PRKG2: variants seen among roughly 807,000 people sequenced by gnomAD.
PRKG2 encodes protein kinase cGMP-dependent 2, also known as cGMP-dependent protein kinase 2.
A neutral mutation model predicts 97.2 loss-of-function variants in PRKG2; 33 were observed. The ratio of observed to expected loss-of-function variants is 0.34; its 90% confidence interval spans 0.26 to 0.45. The LOEUF (loss-of-function observed/expected upper bound fraction) is 0.45. Ranked by LOEUF, PRKG2 falls within the 20% of genes least tolerant of loss-of-function variation. PRKG2 has a pLI of 1.00. For synonymous variants in PRKG2, 330 were observed against 321.8 expected, an observed-to-expected ratio of 1.03 and a Z score of -0.27; for missense variants, 638 against 900.0, an observed-to-expected ratio of 0.71 and a Z score of 3.73.
At chr4:81,123,504 A>T (rs1745262201) in intron 14 of PRKG2, among the ~76,000 whole-genome samples, 1 of 152,216 alleles carries the variant, frequency 6.6e-6, no homozygotes, top group South Asian at 2.1e-4. Context: ...TCCCAGGTTC[A>T]CGCCATTCTC....
At chr4:81,094,165 A>G (rs1260102302) in intron 17 of PRKG2, among the ~76,000 whole-genome samples, 1 of 152,358 alleles carries the variant, frequency 6.6e-6, no homozygotes, top group Admixed American at 6.5e-5. Flanking sequence ...CCCTACAAGT[A>G]TATCAGCCTT....
chr4:81,153,255 A>G lies in PRKG2; in HGVS notation c.990+389T>C, dbSNP rs554278744. The stretch of plus-strand genomic sequence containing the variant: ...ATGACTGTCTTCAATTGCTGAATTC[A>G]TTCTCCACCTGCTACTTGTCATATC... On this transcript the variant is annotated intron_variant, in intron 7 of 18. Coordinates refer to ENST00000264399, the MANE Select transcript of PRKG2 (RefSeq NM_006259.3). Among the ~76,000 whole-genome samples, 7 of 152,324 alleles carry G rather than the reference A, an allele frequency of 4.6e-5. No individual in the cohort carries two copies. The South Asian group carries it at 1.5e-3, about 32-fold the overall frequency.
At chr4:81,150,254 T>A (rs945762784) in intron 8 of PRKG2, among the ~76,000 whole-genome samples, 43 of 152,286 alleles carry the variant, frequency 2.8e-4, no homozygotes, top group African/African-American at 8.9e-4. Flanking sequence ...GTATCATGAT[T>A]TTGACTGAGA....
intron 3 of PRKG2, 102 bp downstream of exon 3, chr4:81,174,691 T>C: frequency 8.1e-7 from 1 of 1,227,122 alleles, no homozygotes; most frequent in Non-Finnish European, 1.1e-6. Flanking sequence ...TGTTATGTTT[T>C]CTACAAATAG....
At chr4:81,100,654 G>A (rs938126422) in intron 17 of PRKG2, among the ~76,000 whole-genome samples, 1 of 152,092 alleles carries the variant, frequency 6.6e-6, no homozygotes, top group Non-Finnish European at 1.5e-5. Flanking sequence ...ACATAGGCGT[G>A]GGCAAGGACT....
At chr4:81,122,241 T>C (rs1364844587) in intron 14 of PRKG2, among the ~76,000 whole-genome samples, 3 of 152,220 alleles carry the variant, frequency 2.0e-5, no homozygotes, top group Admixed American at 1.3e-4. Context: ...AATATTGTTA[T>C]TGATTCATTC....
Position 81,207,775 on chromosome 4 carries a change from C to T in PRKG2, c.-13-2715G>A, listed in dbSNP as rs551142703. On this transcript the variant is annotated intron_variant, in intron 1 of 18. Coordinates refer to ENST00000264399, the MANE Select transcript of PRKG2 (RefSeq NM_006259.3). The stretch of plus-strand genomic sequence containing the variant: ...TCTTTCAAGTCACTAATTTAAGATA[C>T]GTAAGTAAGTTACTAAATGGCTCAA... 7.2e-5 allele frequency among the ~76,000 whole-genome samples: 11 copies of T among 152,226 alleles called. No individual in the cohort carries two copies. The East Asian group carries it at 7.7e-4, about 11-fold the overall frequency.
chr4:81,144,481 T>C (rs1202428791), intron 9 of PRKG2, 151 bp from the exon 10 acceptor site: 10 of 571,852 alleles, frequency 1.7e-5, no homozygotes, highest in Non-Finnish European at 2.6e-5. Flanking sequence ...TGATGTAATA[T>C]GTACAAGGGT....
intron 6 of PRKG2, among the ~76,000 whole-genome samples, chr4:81,165,604 TCA>T (rs1749914855): frequency 6.6e-6 from 1 of 152,134 alleles, no homozygotes; most frequent in Non-Finnish European, 1.5e-5. Flanking sequence ...TTTTCACACA[TCA>T]CAGAGACACA....
rs533074083 is a variant in PRKG2, at chr4:81,093,207, T to C, written c.2127-755A>G. On this transcript the variant is annotated intron_variant, in intron 17 of 18. Coordinates refer to ENST00000264399, the MANE Select transcript of PRKG2 (RefSeq NM_006259.3). ...CTATTCTCCTAACCAACTAGGGTTG[T>C]TCCCACTTTAAGGCCTTTGTACTCA... 4.6e-5 allele frequency among the ~76,000 whole-genome samples: 7 copies of C among 152,186 alleles called. No homozygotes were observed. The East Asian group carries it at 1.4e-3, about 29-fold the overall frequency.
In PRKG2 at chr4:81,100,467, G is replaced by A. The variant is rs181850310; in HGVS notation, c.2126+3903C>T. Among the ~76,000 whole-genome samples, 102 of 152,244 alleles carry A rather than the reference G, an allele frequency of 6.7e-4. 1 individual carries two copies. In the East Asian group the frequency reaches 0.015, roughly 23 times the overall value. The stretch of plus-strand genomic sequence containing the variant: ...TGACAAAAACAAGAAATGGGGAAAC[G>A]ATTCTCTATTTAATAAATGGTGCTG... On this transcript the variant is annotated intron_variant, in intron 17 of 18. Transcript: ENST00000264399.
At chr4:81,126,760 C>A (rs1745623744) in intron 14 of PRKG2, among the ~76,000 whole-genome samples, 1 of 151,782 alleles carries the variant, frequency 6.6e-6, no homozygotes. Context: ...CTTGTAGATT[C>A]TGGATATTAG....
intron 14 of PRKG2, among the ~76,000 whole-genome samples, chr4:81,116,581 T>G (rs1386863236): frequency 6.6e-6 from 1 of 152,184 alleles, no homozygotes; most frequent in African/African-American, 2.4e-5. Context: ...TTTTAAGTTC[T>G]TTAAGAAATT....
chr4:81,153,563 G>T (rs1213717204), intron 7 of PRKG2, 81 bp downstream of exon 7: 2 of 1,084,022 alleles, frequency 1.8e-6, no homozygotes, highest in Non-Finnish European at 2.7e-6. Context: ...GACCTATGTT[G>T]CAATGCAAAG....
At chr4:81,163,538 TACTA>T (rs1240211937) in intron 6 of PRKG2, among the ~76,000 whole-genome samples, 2 of 152,176 alleles carry the variant, frequency 1.3e-5, no homozygotes, top group African/African-American at 4.8e-5. Flanking sequence ...TACTTATACT[TACTA>T]TTCTGATTTT....
chr4:81,191,345 A>C (rs941359830), intron 2 of PRKG2, among the ~76,000 whole-genome samples: 1 of 152,120 alleles, frequency 6.6e-6, no homozygotes, highest in Admixed American at 6.5e-5. Context: ...AGAAAACAAA[A>C]CACCACATGT....
chr4:81,089,519 C>A lies in PRKG2; in HGVS notation c.*189G>T, dbSNP rs966374890. ...AATGTAATACATCAATAATTCACAG[C>A]ATCTAAATAAGACACTATAACTCAG... On this transcript the variant is annotated 3_prime_UTR_variant, in exon 19 of 19. Coordinates refer to ENST00000264399, the MANE Select transcript of PRKG2 (RefSeq NM_006259.3). 4.5e-6 allele frequency: 2 copies of A among 447,454 alleles called. No individual in the cohort carries two copies. Among genetic ancestry groups the A allele is most frequent in the African/African-American group, 2.0e-5 (1 of 49,504 alleles). The allele number at this position is 447,454 out of a possible 1,614,324, so 27.7% of individuals were successfully genotyped here.
chr4:81,131,223 C>T (rs1424688134), intron 14 of PRKG2, among the ~76,000 whole-genome samples: 1 of 149,420 alleles, frequency 6.7e-6, no homozygotes, highest in African/African-American at 2.6e-5. Context: ...CTCATGGCTT[C>T]CCTTGGCTAG....
At chr4:81,217,031 G>GTATATGTATA (rs1553933204), upstream of PRKG2, among the ~76,000 whole-genome samples, 1 of 115,296 alleles carries the variant, frequency 8.7e-6, no homozygotes, top group Non-Finnish European at 1.7e-5. Context: ...TATATATTTT[G>GTATATGTATA]TATATATATA....
Sources: allele counts gnomAD v4.1 joint callset (sites outside exome capture counted in the v4.1 genomes callset), GRCh38; gene constraint gnomAD v4.1.1; transcripts MANE v1.5; gene names NCBI Gene and HGNC (gene_info 2026-07-23, HGNC 2026-07-21).